Variants in USP15 observed in about 807,000 individuals in gnomAD.
USP15 encodes ubiquitin carboxyl-terminal hydrolase 15.
Under a neutral mutation model 127.1 loss-of-function variants are expected in USP15, and 18 were observed. That is an observed-to-expected ratio of 0.14 (90% CI 0.10 to 0.21). The LOEUF is 0.21. Ranked by LOEUF, USP15 falls within the 10% of genes least tolerant of loss-of-function variation. The probability of loss-of-function intolerance (pLI) is 1.00; values close to 1 mark genes in which losing one functional copy is unlikely to be tolerated. For missense variants in USP15, 805 were observed against 1,159.9 expected, an observed-to-expected ratio of 0.69 and a Z score of 4.44; for synonymous variants, 364 against 393.7, an observed-to-expected ratio of 0.92 and a Z score of 0.89.
At chr12:62,268,946 TTC>T (rs2063271064) in intron 1 of USP15, among the ~76,000 whole-genome samples, 1 of 152,150 alleles carries the variant, frequency 6.6e-6, no homozygotes, top group Non-Finnish European at 1.5e-5. Flanking sequence ...CTAATCTATT[TTC>T]TGTCTTTATA....
rs1365553606 is a variant in USP15 at position 62,405,605 on chromosome 12, A to G, written c.*1230A>G. ...TTATTTGCTGCTTTTTCCCTTTGAT[A>G]TAGTTGAAAGAATGTATTGTAAATT... On this transcript the variant is annotated 3_prime_UTR_variant, in exon 22 of 22. Transcript: ENST00000280377. 2 of 152,568 alleles carry G rather than the reference A, an allele frequency of 1.3e-5. No individual in the cohort carries two copies. The highest frequency in any genetic ancestry group is 2.9e-5 in the Non-Finnish European group (2 of 68,008). The allele number at this position is 152,568 out of a possible 1,614,324, so 9.5% of individuals were successfully genotyped here. A position where few individuals can be genotyped will look rare whatever the true frequency, so the allele number is the denominator to read the frequency against.
chr12:62,328,522 G>A lies in USP15; in HGVS notation c.683+2589G>A, dbSNP rs1209929036. 5 of 202,154 alleles carry A rather than the reference G, an allele frequency of 2.5e-5. 1 individual carries two copies. Among genetic ancestry groups the A allele is most frequent in the South Asian group, 2.2e-4 (3 of 13,776 alleles). 12.5% of individuals were successfully genotyped at this position (202,154 alleles called of 1,614,324 possible). A position where few individuals can be genotyped will look rare whatever the true frequency, so the allele number is the denominator to read the frequency against. ...AACAAAAATTAACTTAATTAAAAACGCATAAAACCTTCATGGGAAAAAAAA... is the reference window on the plus strand; with the variant it reads ...AACAAAAATTAACTTAATTAAAAACACATAAAACCTTCATGGGAAAAAAAA... On this transcript the variant is annotated intron_variant, in intron 6 of 21. Transcript: ENST00000280377.
chr12:62,402,146 A>G (rs1017700099), intron 21 of USP15, among the ~76,000 whole-genome samples: 7 of 151,940 alleles, frequency 4.6e-5, no homozygotes, highest in African/African-American at 1.7e-4. Flanking sequence ...GGCTTCAAAT[A>G]AACAGTTATC....
rs760227380 is a variant in USP15, at chr12:62,389,467, G to C, written c.1510G>C (p.Asp504His). 1.2e-6 allele frequency: 2 copies of C among 1,613,226 alleles called. No homozygotes were observed. Among genetic ancestry groups the C allele is most frequent in the African/African-American group, 1.3e-5 (1 of 74,984 alleles). ...TGTCCCCAAAATTGGAAACATATTA[G>C]ATCTTTGTACAGCATTGTCTGCTTT... is the stretch of plus-strand genomic sequence containing the variant. ...VVVPKIGNILDLCTALSALSG... is the reference protein window; with the variant it reads ...VVVPKIGNILHLCTALSALSG... The change falls in exon 12 of 22, where the codon GAT becomes CAT. Residue 504 changes from aspartate (D) to histidine (H), a missense_variant. By Grantham distance (81) the Asp-to-His change is moderately conservative. Around this residue, in one of 11 missense-constraint regions of USP15, gnomAD observed 82 missense variants for 104.4 expected, o/e 0.79. Coordinates refer to ENST00000280377, the MANE Select transcript of USP15 (RefSeq NM_001252078.2).
rs914995803 is a variant in USP15 at position 62,410,625 on chromosome 12, A to G, written c.*6250A>G. The G allele has an allele frequency of 6.6e-6, 1 of 152,142 alleles. No individual in the cohort carries two copies. Among genetic ancestry groups the G allele is most frequent in the African/African-American group, 2.4e-5 (1 of 41,444 alleles). The allele number at this position is 152,142 out of a possible 1,614,324, so 9.4% of individuals were successfully genotyped here. ...AGTGAGATATGGTAGGAAACATTCTACACTTACAACAACTTCCACCATAGC... is the reference window on the plus strand; with the variant it reads ...AGTGAGATATGGTAGGAAACATTCTGCACTTACAACAACTTCCACCATAGC... On this transcript the variant is annotated 3_prime_UTR_variant, in exon 22 of 22. Transcript: ENST00000280377.
rs573093300 is a variant in USP15 at position 62,340,715 on chromosome 12, C to T, written c.684-8506C>T. ...TTGGGTGAGTTTCTTATCCTGAGTTCTTACTTGATTGCACTGTGGTCTGAG... is the reference window on the plus strand; with the variant it reads ...TTGGGTGAGTTTCTTATCCTGAGTTTTTACTTGATTGCACTGTGGTCTGAG... On this transcript the variant is annotated intron_variant, in intron 6 of 21. Coordinates refer to ENST00000280377, the MANE Select transcript of USP15 (RefSeq NM_001252078.2). 7.9e-4 allele frequency among the ~76,000 whole-genome samples: 121 copies of T among 152,272 alleles called. 1 individual carries two copies. The highest frequency in any genetic ancestry group is 2.8e-3 in the African/African-American group (117 of 41,564).
rs1029121385 is a variant in USP15 at position 62,407,225 on chromosome 12, C to T, written c.*2850C>T. 6.6e-6 allele frequency: 1 copy of T among 152,128 alleles called. No homozygotes were observed. Among genetic ancestry groups the T allele is most frequent in the African/African-American group, 2.4e-5 (1 of 41,428 alleles). 9.4% of individuals were successfully genotyped at this position (152,128 alleles called of 1,614,324 possible). A position where few individuals can be genotyped will look rare whatever the true frequency, so the allele number is the denominator to read the frequency against. ...TATGAGGTAGGGATAGTTGTCATCC[C>T]CATTTTTCATATGAAGAAACCAAGA... On this transcript the variant is annotated 3_prime_UTR_variant, in exon 22 of 22. Transcript: ENST00000280377.
intron 7 of USP15, among the ~76,000 whole-genome samples, chr12:62,352,810 G>T (rs951746398): frequency 1.8e-4 from 24 of 131,884 alleles, no homozygotes; most frequent in African/African-American, 6.8e-4. Flanking sequence ...ATCTTTTATG[G>T]AAAGGTAAGG....
At chr12:62,335,563 T>C (rs1173651940) in intron 6 of USP15, 2 of 1,043,030 alleles carry the variant, frequency 1.9e-6, no homozygotes, top group Non-Finnish European at 2.3e-6. Flanking sequence ...TATAAATGCC[T>C]AGCATAGTGC....
intron 8 of USP15, among the ~76,000 whole-genome samples, chr12:62,371,709 T>A (rs1376532958): frequency 6.6e-6 from 1 of 152,190 alleles, no homozygotes; most frequent in African/African-American, 2.4e-5. Flanking sequence ...ACACCCACAA[T>A]AAAGCTTCTA....
At chr12:62,384,056 T>C in intron 10 of USP15, 22 bp from the exon 11 acceptor site, 1 of 1,610,470 alleles carries the variant, frequency 6.2e-7, no homozygotes, top group South Asian at 1.1e-5. Context: ...CTCTTTCTAA[T>C]TTGTGTCTAT....
chr12:62,304,976 T>C, intron 3 of USP15: 1 of 201,380 alleles, frequency 5.0e-6, no homozygotes, highest in Non-Finnish European at 1.0e-5. Context: ...AAGAGAAAAT[T>C]TGTAAACTAA....
At chr12:62,396,764 C>G (rs925290438) in intron 20 of USP15, among the ~76,000 whole-genome samples, 5 of 152,050 alleles carry the variant, frequency 3.3e-5, no homozygotes, top group Non-Finnish European at 5.9e-5. Flanking sequence ...ATCACTAGGT[C>G]TCGACACTTA....
At chr12:62,392,015 G>A (rs1177377105) in intron 17 of USP15, 129 bp downstream of exon 17, 1 of 986,934 alleles carries the variant, frequency 1.0e-6, no homozygotes, top group Non-Finnish European at 1.5e-6. Flanking sequence ...TAAAAAATTG[G>A]TCATGAACTA....
intron 6 of USP15, among the ~76,000 whole-genome samples, chr12:62,338,349 T>A (rs1241760709): frequency 2.0e-5 from 3 of 152,238 alleles, no homozygotes; most frequent in Non-Finnish European, 2.9e-5. Flanking sequence ...TAAATTTGTT[T>A]ATGTTCCTTG....
chr12:62,372,962 G>A (rs1294438478), intron 8 of USP15, among the ~76,000 whole-genome samples: 1 of 151,906 alleles, frequency 6.6e-6, no homozygotes, highest in Non-Finnish European at 1.5e-5. Context: ...TTCACGAATA[G>A]CCTGTTACTA....
At chr12:62,366,055 T>G (rs2066466923) in intron 8 of USP15, among the ~76,000 whole-genome samples, 1 of 152,228 alleles carries the variant, frequency 6.6e-6, no homozygotes, top group Non-Finnish European at 1.5e-5. Context: ...TGGTTCCATA[T>G]GAAGTTTAAA....
At chr12:62,322,308 A>G (rs939787544) in intron 5 of USP15, among the ~76,000 whole-genome samples, 12 of 152,044 alleles carry the variant, frequency 7.9e-5, no homozygotes, top group African/African-American at 2.7e-4. Flanking sequence ...TTGTGTTTAT[A>G]GTAGAGATGG....
At chr12:62,388,997 C>T (rs997150082) in intron 11 of USP15, among the ~76,000 whole-genome samples, 1 of 152,116 alleles carries the variant, frequency 6.6e-6, no homozygotes, top group African/African-American at 2.4e-5. Context: ...TGGTGTCACA[C>T]GCATGTAGTC....
Sources: allele counts gnomAD v4.1 joint callset (sites outside exome capture counted in the v4.1 genomes callset), GRCh38; gene constraint gnomAD v4.1.1; regional missense constraint gnomAD v4.1.1; transcripts MANE v1.5; gene names NCBI Gene and HGNC (gene_info 2026-07-23, HGNC 2026-07-21).